The following CNTNAP3B variants were observed in gnomAD, a reference collection of about 807,000 sequenced individuals.
CNTNAP3B encodes the protein contactin-associated protein-like 3B.
Under a neutral mutation model 108.9 loss-of-function variants are expected in CNTNAP3B, and 25 were observed. The observed-to-expected ratio is 0.23, with a 90% CI of 0.17 to 0.32. CNTNAP3B has a LOEUF of 0.32. CNTNAP3B is among the 10% of genes least tolerant of loss of function. The pLI, the probability that CNTNAP3B is intolerant of heterozygous loss-of-function variation, is 1.00. For missense variants in CNTNAP3B, 252 were observed against 1,210.4 expected (o/e 0.21, Z 11.75); for synonymous variants, 103 against 473.4 (o/e 0.22, Z 10.16).
chr9:42,117,853 C>T (rs182452009), intron 1 of CNTNAP3B, among the ~76,000 whole-genome samples: 2,552 of 138,482 alleles, frequency 0.018, 378 homozygotes, highest in Non-Finnish European at 0.028. Flanking sequence ...ATATCACCAC[C>T]GATCCCACAG....
chr9:42,002,919 C>G (rs1335146605), intron 4 of CNTNAP3B, among the ~76,000 whole-genome samples: 1 of 128,836 alleles, frequency 7.8e-6, no homozygotes, highest in Non-Finnish European at 1.6e-5. Flanking sequence ...CAGAGACTCA[C>G]TCCGTTGCCC....
rs1347659333 is a variant in CNTNAP3B, at chr9:41,972,860, G to T, written c.1478-2615C>A. On this transcript the variant is annotated intron_variant, in intron 9 of 23. Coordinates refer to ENST00000377561, the MANE Select transcript of CNTNAP3B (RefSeq NM_001201380.3). Reference sequence around the variant, plus strand: ...AATTCAATAAATATTTTCCAGTAATGAATTATAGGAATATCAACAGTTCTG... The same window carrying T: ...AATTCAATAAATATTTTCCAGTAATTAATTATAGGAATATCAACAGTTCTG... 3.2e-4 allele frequency among the ~76,000 whole-genome samples: 43 copies of T among 135,060 alleles called. 2 individuals are homozygous for T. Among genetic ancestry groups the T allele is most frequent in the African/African-American group, 1.2e-3 (42 of 34,226 alleles). The allele number at this position is 135,060 out of a possible 152,430, so 88.6% of individuals were successfully genotyped here.
intron 13 of CNTNAP3B, among the ~76,000 whole-genome samples, chr9:41,943,866 T>C (rs1261436919): frequency 3.0e-3 from 460 of 152,268 alleles, no homozygotes; most frequent in African/African-American, 0.011. Flanking sequence ...GCATCTCATA[T>C]TCAAATTGCA....
At chr9:41,978,731 A>AT (rs1825566228) in intron 9 of CNTNAP3B, among the ~76,000 whole-genome samples, 2 of 137,614 alleles carry the variant, frequency 1.5e-5, no homozygotes, top group Non-Finnish European at 1.6e-5. Flanking sequence ...ATGATCCAGC[A>AT]TGGTGATACA....
intron 15 of CNTNAP3B, 62 bp from the exon 16 acceptor site, chr9:41,924,155 A>G (rs2117964553): frequency 6.2e-7 from 1 of 1,608,922 alleles, no homozygotes; most frequent in African/African-American, 1.3e-5. Context: ...TAACAGCTAC[A>G]TTTGATACTT....
chr9:41,938,618 TC>T (rs1342023508), intron 13 of CNTNAP3B, among the ~76,000 whole-genome samples: 1 of 152,286 alleles, frequency 6.6e-6, no homozygotes, highest in African/African-American at 2.4e-5. Context: ...CTTAAATGAT[TC>T]CATCTATTTT....
chr9:42,118,626 T>C lies in CNTNAP3B; in HGVS notation c.85+10384A>G, dbSNP rs1018076810. ...CTTTGAAAACTGGCACAAGACAGGA[T>C]GCCCTCTCTCACCACTCCTATTCAA... is the stretch of plus-strand genomic sequence containing the variant. On this transcript the variant is annotated intron_variant, in intron 1 of 23. Coordinates refer to ENST00000377561, the MANE Select transcript of CNTNAP3B (RefSeq NM_001201380.3). Among the ~76,000 whole-genome samples, 11 of 116,100 alleles carry C rather than the reference T, an allele frequency of 9.5e-5. 1 individual carries two copies. Among genetic ancestry groups the C allele is most frequent in the Non-Finnish European group, 1.6e-4 (9 of 55,942 alleles). 76.2% of individuals were successfully genotyped at this position (116,100 alleles called of 152,430 possible).
Position 41,969,170 on chromosome 9 carries a change from C to T in CNTNAP3B, c.1649+904G>A, listed in dbSNP as rs1384929207. 1.1e-4 allele frequency among the ~76,000 whole-genome samples: 17 copies of T among 152,138 alleles called. No individual in the cohort carries two copies. The East Asian group carries it at 3.1e-3, about 28-fold the overall frequency. ...AAAGTAAATACCAAATGTACTGGGG[C>T]AAATTGTATGTAGAAATATTATTTT... is the stretch of plus-strand genomic sequence containing the variant. On this transcript the variant is annotated intron_variant, in intron 10 of 23. Transcript: ENST00000377561.
At chr9:42,064,941 T>C (rs950619964) in intron 3 of CNTNAP3B, among the ~76,000 whole-genome samples, 7 of 149,936 alleles carry the variant, frequency 4.7e-5, no homozygotes, top group African/African-American at 1.7e-4. Context: ...GTCTTTTTGG[T>C]AGAATGATTA....
At chr9:41,957,719 T>C (rs934994759) in intron 12 of CNTNAP3B, among the ~76,000 whole-genome samples, 1 of 152,254 alleles carries the variant, frequency 6.6e-6, no homozygotes, top group Non-Finnish European at 1.5e-5. Flanking sequence ...AATTCCAATG[T>C]CCCTGCCATA....
At chr9:42,045,794 A>G (rs1826860929) in intron 3 of CNTNAP3B, among the ~76,000 whole-genome samples, 1 of 138,948 alleles carries the variant, frequency 7.2e-6, no homozygotes, top group Non-Finnish European at 1.5e-5. Context: ...AGTTAAACAC[A>G]GAATAGCAAT....
At chr9:41,976,855 G>A (rs1437301010) in intron 9 of CNTNAP3B, among the ~76,000 whole-genome samples, 2 of 130,986 alleles carry the variant, frequency 1.5e-5, no homozygotes, top group Non-Finnish European at 3.2e-5. Context: ...GAGAGGCAGA[G>A]GCTGCAGTGA....
intron 7 of CNTNAP3B, among the ~76,000 whole-genome samples, chr9:41,995,770 T>A (rs1459547487): frequency 7.6e-6 from 1 of 131,002 alleles, no homozygotes; most frequent in Non-Finnish European, 1.6e-5. Flanking sequence ...GCCCGGTGGC[T>A]CACACCTGTA....
chr9:42,060,000 A>G (rs1416915061), intron 3 of CNTNAP3B, among the ~76,000 whole-genome samples: 17 of 151,302 alleles, frequency 1.1e-4, no homozygotes, highest in East Asian at 1.9e-4. Context: ...TTTTCTTCAA[A>G]TTTGGATTTT....
At chr9:41,925,277 T>A (rs1363762847) in intron 15 of CNTNAP3B, among the ~76,000 whole-genome samples, 1 of 151,004 alleles carries the variant, frequency 6.6e-6, no homozygotes, top group African/African-American at 2.5e-5. Context: ...CCACATTAAT[T>A]GGTTGACATG....
intron 2 of CNTNAP3B, among the ~76,000 whole-genome samples, chr9:42,099,026 T>G (rs62558887): frequency 0.43 from 58,887 of 135,974 alleles, 17,319 homozygotes; most frequent in East Asian, 0.69. Context: ...CTAGTTTCCC[T>G]GCTTTACTCT....
chr9:42,096,923 T>C lies in CNTNAP3B; in HGVS notation c.196+7706A>G, dbSNP rs1269507379. ...GTCCGTAACAGTGGCATGAAACTTT[T>C]TTTTTTTTTAATAGAGACAGGGTTT... On this transcript the variant is annotated intron_variant, in intron 2 of 23. Transcript: ENST00000377561. Among the ~76,000 whole-genome samples, 54 of 129,206 alleles carry C rather than the reference T, an allele frequency of 4.2e-4. 9 individuals carry two copies. The highest frequency in any genetic ancestry group is 1.6e-3 in the African/African-American group (52 of 31,600). 84.8% of individuals were successfully genotyped at this position (129,206 alleles called of 152,430 possible).
At chr9:41,967,539 G>C (rs1466025580) in intron 10 of CNTNAP3B, among the ~76,000 whole-genome samples, 3 of 152,146 alleles carry the variant, frequency 2.0e-5, no homozygotes, top group Non-Finnish European at 4.4e-5. Flanking sequence ...TTAGATTTTT[G>C]TTTGTTTGTT....
chr9:41,963,107 C>G (rs1263592048), intron 11 of CNTNAP3B, among the ~76,000 whole-genome samples: 6 of 152,286 alleles, frequency 3.9e-5, no homozygotes, highest in African/African-American at 1.2e-4. Context: ...TACAGAACCT[C>G]AGGACTGGGA....
Sources: gnomAD v4.1 joint callset for allele counts (sites outside exome capture counted in the v4.1 genomes callset) on GRCh38, gnomAD v4.1.1 for gene constraint, MANE v1.5 for transcripts, NCBI Gene and HGNC (gene_info 2026-07-23, HGNC 2026-07-21) for gene names.